PUS7: variants seen among roughly 807,000 people sequenced by gnomAD.
PUS7 encodes the protein pseudouridine synthase 7.
Under a neutral mutation model 79.8 loss-of-function variants are expected in PUS7, and 48 were observed. That is an observed-to-expected ratio of 0.60 (90% CI 0.48 to 0.76). The LOEUF is 0.76. Among genes scored for constraint, PUS7 ranks in the 30% least tolerant of loss-of-function variants. PUS7 has a pLI of 0.00. For synonymous variants in PUS7, 286 were observed against 272.2 expected (o/e 1.05, Z -0.50); for missense variants, 729 against 797.6 (o/e 0.91, Z 1.04).
At chr7:105,495,320 T>C (rs1824968085) in intron 5 of PUS7, 67 bp from the exon 6 acceptor site, 3 of 911,490 alleles carry the variant, frequency 3.3e-6, no homozygotes, top group Middle Eastern at 6.8e-4. Context: ...AGCTCATTTT[T>C]CGCTATAGAA....
intron 5 of PUS7, among the ~76,000 whole-genome samples, chr7:105,501,060 A>C (rs916202958): frequency 6.6e-6 from 1 of 152,208 alleles, no homozygotes; most frequent in African/African-American, 2.4e-5. Context: ...AGCACTATCC[A>C]GACTTGCTGC....
chr7:105,516,843 A>C (rs573045285), intron 1 of PUS7, among the ~76,000 whole-genome samples: 1 of 152,078 alleles, frequency 6.6e-6, no homozygotes, highest in African/African-American at 2.4e-5. Flanking sequence ...TTAAATTGCA[A>C]AGAGAAAACA....
At chr7:105,510,261 T>C (rs1248313438) in intron 1 of PUS7, among the ~76,000 whole-genome samples, 4 of 151,764 alleles carry the variant, frequency 2.6e-5, no homozygotes, top group Non-Finnish European at 5.9e-5. Context: ...AATTGTGCCT[T>C]TGCACTCCAG....
At chr7:105,500,063 T>A (rs1825185559) in intron 5 of PUS7, among the ~76,000 whole-genome samples, 1 of 151,814 alleles carries the variant, frequency 6.6e-6, no homozygotes, top group Non-Finnish European at 1.5e-5. Context: ...CATGAGGAGG[T>A]GGGAGAGATG....
At chr7:105,480,581 A>G (rs139649680) in intron 9 of PUS7, among the ~76,000 whole-genome samples, 1 of 152,216 alleles carries the variant, frequency 6.6e-6, no homozygotes, top group Non-Finnish European at 1.5e-5. Context: ...GTTCGAGACC[A>G]GCCTGACCAA....
intron 4 of PUS7, among the ~76,000 whole-genome samples, chr7:105,503,306 A>G (rs146631393): frequency 1.3e-5 from 2 of 152,262 alleles, no homozygotes; most frequent in African/African-American, 2.4e-5. Flanking sequence ...AATGCAGGCA[A>G]AGCTAGGCCT....
intron 7 of PUS7, among the ~76,000 whole-genome samples, chr7:105,490,431 C>T (rs1824735282): frequency 6.6e-6 from 1 of 152,072 alleles, no homozygotes; most frequent in African/African-American, 2.4e-5. Context: ...TCTCTTTTAC[C>T]TTCACTGTGA....
rs1824959076 is a variant in PUS7, at chr7:105,495,167, T to C, written c.817A>G (p.Ile273Val). 1.2e-6 allele frequency: 2 copies of C among 1,608,090 alleles called. No homozygotes were observed. The highest frequency in any genetic ancestry group is 1.7e-4 in the Middle Eastern group (1 of 6,022). Residue 273 changes from isoleucine (I) to valine (V), a missense_variant, in exon 6 of 16, where the codon ATT becomes GTT. Physicochemically the swap from Ile to Val is conservative, Grantham distance 29. Coordinates refer to ENST00000469408, the MANE Select transcript of PUS7 (RefSeq NM_019042.5). ...CTTAAGTATTTGGAGAGTACATTAA[T>C]AGCATCCATGGTGTCTTTGTTTTCC... ...YKENKDTMDAINVLSKYLRVK... is the reference protein window; with the variant it reads ...YKENKDTMDAVNVLSKYLRVK...
chr7:105,508,581 TA>T, intron 1 of PUS7, 37 bp from the exon 2 acceptor site: 1 of 1,546,872 alleles, frequency 6.5e-7, no homozygotes, highest in Non-Finnish European at 8.7e-7. Flanking sequence ...ATCACCTATA[TA>T]AAAGCTGGTT....
At position 105,501,493 on chromosome 7, in the gene PUS7, C is replaced by T. The variant is rs868364150; in HGVS notation, c.730+927G>A. ...TTAGAACATAAATATCAGTGACTCA[C>T]TGGGACTATGCCCATTTCAAATGAA... On this transcript the variant is annotated intron_variant, in intron 5 of 15. Coordinates refer to ENST00000469408, the MANE Select transcript of PUS7 (RefSeq NM_019042.5). Among the ~76,000 whole-genome samples, 22 of 152,240 alleles carry T rather than the reference C, an allele frequency of 1.4e-4. No homozygotes were observed. In the Middle Eastern group the frequency reaches 0.01, roughly 71 times the overall value.
intron 1 of PUS7, among the ~76,000 whole-genome samples, chr7:105,510,109 C>T (rs529809192): frequency 1.5e-4 from 23 of 151,936 alleles, no homozygotes; most frequent in South Asian, 1.0e-3. Context: ...GAGACCAGCC[C>T]GATCAACAAG....
At chr7:105,504,537 A>T (rs6958252) in intron 4 of PUS7, among the ~76,000 whole-genome samples, 33,006 of 152,114 alleles carry the variant, frequency 0.22, 3,638 homozygotes, top group South Asian at 0.31. Context: ...GACCTCAAAA[A>T]CTCAGAAAGT....
At chr7:105,470,118 C>A (rs1823813791) in intron 11 of PUS7, among the ~76,000 whole-genome samples, 1 of 152,178 alleles carries the variant, frequency 6.6e-6, no homozygotes, top group African/African-American at 2.4e-5. Flanking sequence ...ACAACTAATT[C>A]CATGCAGCAA....
chr7:105,496,856 C>A, intron 5 of PUS7: 1 of 761,118 alleles, frequency 1.3e-6, no homozygotes, highest in Non-Finnish European at 1.7e-6. Context: ...GTTTTCCTTC[C>A]AGCTCACTAT....
intron 1 of PUS7, among the ~76,000 whole-genome samples, chr7:105,514,130 C>A (rs530192400): frequency 7.3e-6 from 1 of 137,266 alleles, no homozygotes; most frequent in South Asian, 2.6e-4. Flanking sequence ...ACTCGGGAGG[C>A]TGAGGCAGGA....
At chr7:105,458,545 G>A (rs1335517097) in intron 15 of PUS7, among the ~76,000 whole-genome samples, 1 of 150,898 alleles carries the variant, frequency 6.6e-6, no homozygotes, top group Non-Finnish European at 1.5e-5. Flanking sequence ...GGGATTACAG[G>A]TGTGAGCCAC....
chr7:105,517,139 C>T (rs1825925923), intron 1 of PUS7, among the ~76,000 whole-genome samples: 1 of 151,954 alleles, frequency 6.6e-6, no homozygotes, highest in Admixed American at 6.6e-5. Flanking sequence ...CTGATACTTT[C>T]CCCAAAACTT....
intron 5 of PUS7, among the ~76,000 whole-genome samples, chr7:105,500,476 T>G (rs892189703): frequency 6.6e-6 from 1 of 152,138 alleles, no homozygotes; most frequent in African/African-American, 2.4e-5. Flanking sequence ...TAAGAAATGA[T>G]TATCACTTCC....
intron 7 of PUS7, among the ~76,000 whole-genome samples, chr7:105,487,889 C>T (rs931043156): frequency 6.6e-6 from 1 of 152,166 alleles, no homozygotes; most frequent in African/African-American, 2.4e-5. Context: ...GCTGAAAAGA[C>T]GTGCTGCTTA....
Sources: gnomAD v4.1 joint callset for allele counts (sites outside exome capture counted in the v4.1 genomes callset) on GRCh38, gnomAD v4.1.1 for gene constraint, MANE v1.5 for transcripts, NCBI Gene and HGNC (gene_info 2026-07-23, HGNC 2026-07-21) for gene names.